ATP2C1: variants seen among roughly 807,000 people sequenced by gnomAD.
ATP2C1 encodes the protein ATPase secretory pathway Ca2+ transporting 1, also known as calcium-transporting ATPase type 2C member 1.
ATP2C1 carries 31 observed loss-of-function variants against 120.5 expected under a neutral mutation model. That is an observed-to-expected ratio of 0.26 (90% CI 0.19 to 0.35). ATP2C1 has a LOEUF of 0.35. Among genes scored for constraint, ATP2C1 ranks in the 10% least tolerant of loss-of-function variants. ATP2C1 has a pLI of 1.00. For missense variants in ATP2C1, 731 were observed against 1,107.5 expected (o/e 0.66, Z 4.83); for synonymous variants, 351 against 358.7 (o/e 0.98, Z 0.24).
chr3:130,981,902 T>C (rs1287546842), intron 20 of ATP2C1, among the ~76,000 whole-genome samples: 1 of 152,246 alleles, frequency 6.6e-6, no homozygotes, highest in East Asian at 1.9e-4. Context: ...TTATGTTTTC[T>C]AATTATTGAA....
At chr3:130,892,364 G>T (rs185636554), upstream of ATP2C1, among the ~76,000 whole-genome samples, 2 of 152,166 alleles carry the variant, frequency 1.3e-5, no homozygotes, top group African/African-American at 4.8e-5. Flanking sequence ...AATTGATTAC[G>T]AGAGATCACA....
intron 2 of ATP2C1, chr3:130,930,072 T>G: frequency 2.7e-6 from 1 of 366,076 alleles, no homozygotes; most frequent in South Asian, 2.2e-5. Flanking sequence ...GTAATGAGTT[T>G]AGAGGATTAT....
intron 20 of ATP2C1, 120 bp downstream of exon 20, chr3:130,980,799 T>G (rs2061723353): frequency 3.9e-6 from 3 of 770,890 alleles, no homozygotes; most frequent in Admixed American, 4.2e-5. Flanking sequence ...ACCACCAGAT[T>G]TGTTGGTTCA....
upstream of ATP2C1, among the ~76,000 whole-genome samples, chr3:130,891,411 A>G (rs955736507): frequency 2.0e-5 from 3 of 152,350 alleles, no homozygotes; most frequent in East Asian, 1.9e-4. Context: ...TTCTTCTTCA[A>G]TCTTTCCCAT....
chr3:130,941,735 C>A (rs753568283), intron 8 of ATP2C1, 36 bp downstream of exon 8: 2 of 1,456,146 alleles, frequency 1.4e-6, no homozygotes, highest in Admixed American at 3.3e-5. Flanking sequence ...AGTGAAAATA[C>A]GTGGATGTAG....
At chr3:130,994,521 A>T (rs531919583) in intron 22 of ATP2C1, among the ~76,000 whole-genome samples, 6 of 152,208 alleles carry the variant, frequency 3.9e-5, no homozygotes, top group African/African-American at 7.2e-5. Flanking sequence ...CCCTCATTTA[A>T]TGTTATAATT....
rs2059474099 is a variant in ATP2C1 at position 130,932,079 on chromosome 3, G to A, written c.175G>A (p.Gly59Ser). ...CEVSHRRAFH[G>S]WNEFDISEDE... ...AGTTAGTCATAGGCGAGCCTTTCAT[G>A]GCTGGAATGAGTTTGATATTAGTGA... The change falls in exon 4 of 28, where the codon GGC (glycine) becomes AGC (serine). Residue 59 changes from glycine to serine, a missense_variant. By Grantham distance (56) the Gly-to-Ser change is moderately conservative. This residue lies in a region of ATP2C1 where 571 missense variants were observed against 845.9 expected (regional missense o/e 0.67). Coordinates refer to ENST00000510168, the MANE Select transcript of ATP2C1 (RefSeq NM_001378687.1). 6.2e-7 allele frequency: 1 copy of A among 1,613,128 alleles called. No homozygotes were observed. The highest frequency in any genetic ancestry group is 8.5e-7 in the Non-Finnish European group (1 of 1,179,268).
At chr3:130,885,238 A>C (rs2068935407) in intron 1 of ATP2C1, among the ~76,000 whole-genome samples, 1 of 152,072 alleles carries the variant, frequency 6.6e-6, no homozygotes, top group Non-Finnish European at 1.5e-5. Context: ...ACAGCCGGTG[A>C]AGTGTGTTTC....
intron 12 of ATP2C1, chr3:130,963,078 T>C (rs2060895236): frequency 6.6e-6 from 1 of 151,958 alleles, no homozygotes; most frequent in Non-Finnish European, 1.5e-5. Context: ...AGAAATAGTA[T>C]TTGGAATGGC....
chr3:130,995,142 G>A (rs1031862739), intron 22 of ATP2C1, among the ~76,000 whole-genome samples: 6 of 152,226 alleles, frequency 3.9e-5, no homozygotes, highest in South Asian at 4.1e-4. Context: ...GGCTGGGCAG[G>A]GTACCTCATG....
intron 8 of ATP2C1, among the ~76,000 whole-genome samples, chr3:130,943,139 A>G (rs933973087): frequency 2.6e-5 from 4 of 152,230 alleles, no homozygotes; most frequent in Non-Finnish European, 5.9e-5. Flanking sequence ...TCACATGTAA[A>G]CAGGAAAGAA....
intron 5 of ATP2C1, 119 bp from the exon 6 acceptor site, chr3:130,937,309 C>A: frequency 3.6e-6 from 3 of 844,800 alleles, no homozygotes; most frequent in Non-Finnish European, 5.9e-6. Flanking sequence ...TCTTTTCCAG[C>A]TGATCTCAGT....
intron 2 of ATP2C1, among the ~76,000 whole-genome samples, chr3:130,903,399 T>G (rs2057957415): frequency 1.3e-5 from 2 of 152,154 alleles, no homozygotes; most frequent in East Asian, 3.9e-4. Flanking sequence ...TTTTAAAGGC[T>G]TACGTGGCTC....
At chr3:130,938,738 CACTGGACCACTA>C (rs1440933269) in intron 6 of ATP2C1, among the ~76,000 whole-genome samples, 6 of 152,184 alleles carry the variant, frequency 3.9e-5, no homozygotes, top group Admixed American at 3.9e-4. Flanking sequence ...TGATATGACC[CACTGGACCACTA>C]ACTGGACCTT....
At position 130,941,431 on chromosome 3, in the gene ATP2C1, T is replaced by G. The variant is rs114146630; in HGVS notation, c.423-160T>G. On this transcript the variant is annotated intron_variant, in intron 7 of 27. Transcript: ENST00000510168. The stretch of plus-strand genomic sequence containing the variant: ...TGAACAAATAATTTGTTTTTCAAGT[T>G]ATTTTCTGTCATCTTGGCATCTTAA... 0.027 allele frequency among the ~76,000 whole-genome samples: 4,115 copies of G among 152,360 alleles called. 192 individuals are homozygous for G. Among genetic ancestry groups the G allele is most frequent in the African/African-American group, 0.093 (3,886 of 41,584 alleles).
chr3:130,910,524 C>G (rs1036724523), intron 2 of ATP2C1, among the ~76,000 whole-genome samples: 21 of 141,866 alleles, frequency 1.5e-4, no homozygotes, highest in Non-Finnish European at 2.9e-4. Flanking sequence ...CTGTCTTGTG[C>G]CAGTTTTCAA....
intron 1 of ATP2C1, among the ~76,000 whole-genome samples, chr3:130,882,190 G>T (rs1390632098): frequency 6.6e-6 from 1 of 151,250 alleles, no homozygotes; most frequent in African/African-American, 2.4e-5. Context: ...CTGTGTGTCT[G>T]TCATATACTT....
At chr3:130,911,058 G>A (rs939793252) in intron 2 of ATP2C1, among the ~76,000 whole-genome samples, 2 of 151,964 alleles carry the variant, frequency 1.3e-5, no homozygotes, top group African/African-American at 4.8e-5. Context: ...ATAGAATTTG[G>A]CTGTGAATCC....
At chr3:130,918,387 G>T in intron 2 of ATP2C1, 1 of 1,397,970 alleles carries the variant, frequency 7.2e-7, no homozygotes, top group Non-Finnish European at 1.0e-6. Flanking sequence ...TTTGTTCCAG[G>T]GCTTTCCAGC....
Sources: allele counts gnomAD v4.1 joint callset (sites outside exome capture counted in the v4.1 genomes callset), GRCh38; gene constraint gnomAD v4.1.1; regional missense constraint gnomAD v4.1.1; transcripts MANE v1.5; gene names NCBI Gene and HGNC (gene_info 2026-07-23, HGNC 2026-07-21).